Variants in ITPR3 observed in about 807,000 individuals in gnomAD.
The protein encoded by ITPR3 is inositol 1,4,5-trisphosphate receptor type 3, also known as inositol 1,4,5-trisphosphate-gated calcium channel ITPR3.
A neutral mutation model predicts 293.2 loss-of-function variants in ITPR3; 173 were observed. The ratio of observed to expected loss-of-function variants is 0.59; its 90% confidence interval spans 0.52 to 0.67. ITPR3 has a LOEUF of 0.67. Ranked by LOEUF, ITPR3 falls within the 30% of genes least tolerant of loss-of-function variation. The pLI, the probability that ITPR3 is intolerant of heterozygous loss-of-function variation, is 0.00. For synonymous variants in ITPR3, 1,295 were observed against 1,444.4 expected (o/e 0.90, Z 2.35); for missense variants, 2,796 against 3,592.1 (o/e 0.78, Z 5.66).
chr6:33,659,726 C>T (rs1324500465), intron 7 of ITPR3, among the ~76,000 whole-genome samples, 177 bp downstream of exon 7: 1 of 152,160 alleles, frequency 6.6e-6, no homozygotes, highest in Non-Finnish European at 1.5e-5. Context: ...CCAGGGCTGC[C>T]GCTTCTCTCG....
Position 33,638,437 on chromosome 6 carries a change from G to T in ITPR3, c.90-2047G>T, listed in dbSNP as rs147672663. ...CCCTCAAATTACACGGTTATTCCCC[G>T]GCAGCCCCATCCTCAGGGGCTTTCC... On this transcript the variant is annotated intron_variant, in intron 1 of 57. Coordinates refer to ENST00000605930, the MANE Select transcript of ITPR3 (RefSeq NM_002224.4). This position sits in a 1 kb window ranked among gnomAD's most constrained non-coding sequence, Gnocchi z 4.3. Among the ~76,000 whole-genome samples the T allele has an allele frequency of 6.3e-3, 960 of 152,290 alleles. 6 individuals carry two copies. Among genetic ancestry groups the T allele is most frequent in the Non-Finnish European group, 9.4e-3 (636 of 68,014 alleles).
chr6:33,675,597 C>T lies in ITPR3; in HGVS notation c.3117-94C>T, dbSNP rs574007862. ...GGCCCTGCATCTGCTAATTGGGTGG[C>T]GGAGAGTGTGCTTGTGCCAGGGCCC... On this transcript the variant is annotated intron_variant, in intron 24 of 57. Transcript: ENST00000605930. The surrounding 1 kb of genome is among the most constrained non-coding windows in gnomAD (Gnocchi z 5.0). 1.5e-4 allele frequency: 205 copies of T among 1,379,420 alleles called. No individual in the cohort carries two copies. The highest frequency in any genetic ancestry group is 1.7e-4 in the South Asian group (12 of 69,360). 85.4% of individuals were successfully genotyped at this position (1,379,420 alleles called of 1,614,324 possible). A position where few individuals can be genotyped will look rare whatever the true frequency, so the allele number is the denominator to read the frequency against.
In ITPR3 at chr6:33,691,782, G is replaced by C; in HGVS notation, c.7331-19G>C. The stretch of plus-strand genomic sequence containing the variant: ...GGAGGAGCAGGCAGCCCGGGCCTCA[G>C]CACACTCTCCGCTTGCAGAGGACAG... On this transcript the variant is annotated intron_variant, in intron 53 of 57. Coordinates refer to ENST00000605930, the MANE Select transcript of ITPR3 (RefSeq NM_002224.4). The surrounding 1 kb of genome is among the most constrained non-coding windows in gnomAD (Gnocchi z 4.9). The C allele has an allele frequency of 1.2e-6, 2 of 1,610,926 alleles. No individual in the cohort carries two copies. Among genetic ancestry groups the C allele is most frequent in the Non-Finnish European group, 1.7e-6 (2 of 1,178,146 alleles).
intron 32 of ITPR3, 34 bp downstream of exon 32, chr6:33,680,488 C>A: frequency 6.2e-7 from 1 of 1,611,348 alleles, no homozygotes; most frequent in African/African-American, 1.3e-5. Context: ...GTGAAGCCCC[C>A]CAGGAGGTGT....
At chr6:33,656,991 G>C (rs1374566541) in intron 3 of ITPR3, among the ~76,000 whole-genome samples, 1 of 152,204 alleles carries the variant, frequency 6.6e-6, no homozygotes, top group Non-Finnish European at 1.5e-5. Context: ...CCTGCTGCCA[G>C]CAGGTAGAGG....
chr6:33,641,394 C>T (rs546147469), intron 2 of ITPR3, among the ~76,000 whole-genome samples: 1 of 152,272 alleles, frequency 6.6e-6, no homozygotes, highest in South Asian at 2.1e-4. Context: ...TGGGATTGTC[C>T]TCGCGGGGGA....
chr6:33,669,282 C>A, intron 18 of ITPR3, 126 bp downstream of exon 18: 1 of 952,036 alleles, frequency 1.1e-6, no homozygotes, highest in Non-Finnish European at 1.5e-6. Context: ...TCCTCAGAAG[C>A]GGAGTCCCTG....
intron 56 of ITPR3, 86 bp from the exon 57 acceptor site, chr6:33,694,838 A>G (rs942887831): frequency 6.5e-7 from 1 of 1,535,250 alleles, no homozygotes; most frequent in Admixed American, 1.7e-5. Flanking sequence ...GTGTGGCAGA[A>G]GCCTCCCCCC....
intron 1 of ITPR3, among the ~76,000 whole-genome samples, chr6:33,637,876 T>C (rs1013423207): frequency 6.6e-6 from 1 of 151,948 alleles, no homozygotes; most frequent in Admixed American, 6.6e-5. Flanking sequence ...CTCAAACTCC[T>C]GACCTCAGGT....
chr6:33,648,738 C>T (rs979223635), intron 2 of ITPR3, among the ~76,000 whole-genome samples: 5 of 151,980 alleles, frequency 3.3e-5, no homozygotes, highest in East Asian at 1.9e-4. Context: ...ATCACAGGTG[C>T]GTGTCAACAG....
chr6:33,687,283 A>G lies in ITPR3; in HGVS notation c.6133A>G (p.Ser2045Gly), dbSNP rs199735078. 206 of 1,613,600 alleles carry G rather than the reference A, an allele frequency of 1.3e-4. 1 individual carries two copies. The East Asian group carries it at 4.5e-3, about 35-fold the overall frequency. The change falls in exon 45 of 58, where the codon AGC becomes GGC. Residue 2045 changes from serine (S) to glycine (G), a missense_variant. Physicochemically the swap from Ser to Gly is moderately conservative, Grantham distance 56. This residue lies in a region of ITPR3 where 704 missense variants were observed against 797.5 expected (regional missense o/e 0.88). Transcript: ENST00000605930. This position sits in a 1 kb window ranked among gnomAD's most constrained non-coding sequence, Gnocchi z 5.3. The stretch of plus-strand genomic sequence containing the variant: ...GGAAGAGCGTGAGAACTCGGAGGTG[A>G]GCCCACGTGAAGTGGGCCATAACAT... ...QEEERENSEVSPREVGHNIYI... is the reference protein window; with the variant it reads ...QEEERENSEVGPREVGHNIYI...
intron 7 of ITPR3, among the ~76,000 whole-genome samples, chr6:33,660,300 G>A (rs1013965506): frequency 2.6e-5 from 4 of 152,062 alleles, no homozygotes; most frequent in African/African-American, 9.7e-5. Flanking sequence ...CTGTTAGAGG[G>A]ACAGGTGACA....
chr6:33,663,764 G>T lies in ITPR3; in HGVS notation c.1032G>T (p.Arg344Ser), dbSNP rs753144848. The T allele has an allele frequency of 1.9e-6, 3 of 1,614,138 alleles. No homozygotes were observed. Among genetic ancestry groups the T allele is most frequent in the Non-Finnish European group, 2.5e-6 (3 of 1,180,022 alleles). The change falls in exon 11 of 58, where the codon AGG becomes AGT. Residue 344 changes from arginine to serine, a missense_variant. Arg to Ser is a moderately radical substitution (Grantham distance 110, BLOSUM62 -1). This residue lies in a region of ITPR3 where 955 missense variants were observed against 1,180.8 expected (regional missense o/e 0.81). Transcript: ENST00000605930. Reference protein sequence around the residue: ...GMGAQGRTGRRNAGEKIKYCL... With the variant: ...GMGAQGRTGRSNAGEKIKYCL... ...GGGCACAGGGCCGCACAGGCCGCAG[G>T]AATGCTGGGGAGAAGATCAAGTACT...
intron 56 of ITPR3, chr6:33,694,686 G>A (rs1029123939): frequency 5.4e-5 from 29 of 541,492 alleles, no homozygotes; most frequent in Middle Eastern, 4.8e-4. Context: ...CTCAGCTGCC[G>A]ACGCTGCCTA....
chr6:33,690,874 C>T, intron 51 of ITPR3, 43 bp from the exon 52 acceptor site: 1 of 1,584,912 alleles, frequency 6.3e-7, no homozygotes, highest in South Asian at 1.1e-5. Flanking sequence ...GTGGCCGGCC[C>T]AGCCCCTCAA....
Position 33,667,737 on chromosome 6 carries a change from G to A in ITPR3, c.1714-55G>A. 6.3e-7 allele frequency: 1 copy of A among 1,598,086 alleles called. No homozygotes were observed. Among genetic ancestry groups the A allele is most frequent in the Non-Finnish European group, 8.6e-7 (1 of 1,169,006 alleles). ...GGGGGCAGCGTTCCAGAGCAGAGCT[G>A]GGCCCTTGGCCCACCTGTGACTCTC... On this transcript the variant is annotated intron_variant, in intron 15 of 57. Coordinates refer to ENST00000605930, the MANE Select transcript of ITPR3 (RefSeq NM_002224.4). This position sits in a 1 kb window ranked among gnomAD's most constrained non-coding sequence, Gnocchi z 4.4.
At chr6:33,646,296 T>G (rs1764065001) in intron 2 of ITPR3, among the ~76,000 whole-genome samples, 1 of 151,906 alleles carries the variant, frequency 6.6e-6, no homozygotes, top group South Asian at 2.1e-4. Context: ...ACTAGGTAAT[T>G]TATTCATTCT....
At chr6:33,646,058 G>A (rs1011216579) in intron 2 of ITPR3, among the ~76,000 whole-genome samples, 1 of 151,976 alleles carries the variant, frequency 6.6e-6, no homozygotes, top group Admixed American at 6.6e-5. Flanking sequence ...GGCTGGTGTC[G>A]AACTCCTGAC....
chr6:33,624,231 C>T lies in ITPR3; in HGVS notation c.89+2540C>T, dbSNP rs1474940898. On this transcript the variant is annotated intron_variant, in intron 1 of 57. Coordinates refer to ENST00000605930, the MANE Select transcript of ITPR3 (RefSeq NM_002224.4). This position sits in a 1 kb window ranked among gnomAD's most constrained non-coding sequence, Gnocchi z 4.7. ...GGTGTTCCTCACATTGGAGGCTTCC[C>T]TGTAGGCCCATCTAATGCTGGGCAC... is the stretch of plus-strand genomic sequence containing the variant. 6.6e-6 allele frequency among the ~76,000 whole-genome samples: 1 copy of T among 152,246 alleles called. No individual in the cohort carries two copies. The highest frequency in any genetic ancestry group is 1.9e-4 in the East Asian group (1 of 5,198).
Sources: gnomAD v4.1 joint callset for allele counts (sites outside exome capture counted in the v4.1 genomes callset) on GRCh38, gnomAD v4.1.1 for gene constraint, gnomAD v4.1.1 regional missense constraint, Gnocchi (gnomAD v3.1) non-coding constraint, MANE v1.5 for transcripts, NCBI Gene and HGNC (gene_info 2026-07-23, HGNC 2026-07-21) for gene names.